The following MYO1D variants were observed in gnomAD, a reference collection of about 807,000 sequenced individuals.
MYO1D encodes the protein unconventional myosin-Id.
Under a neutral mutation model 122.0 loss-of-function variants are expected in MYO1D, and 83 were observed. The observed-to-expected ratio is 0.68, with a 90% CI of 0.57 to 0.82. MYO1D has a LOEUF of 0.82. Among genes scored for constraint, MYO1D ranks in the 40% least tolerant of loss-of-function variants. MYO1D has a pLI of 0.00. For missense variants in MYO1D, 1,157 were observed against 1,269.5 expected (o/e 0.91, Z 1.35); for synonymous variants, 464 against 446.9 (o/e 1.04, Z -0.48).
At chr17:32,716,380 G>A in intron 15 of MYO1D, among the ~76,000 whole-genome samples, 1 of 152,132 alleles carries the variant, frequency 6.6e-6, no homozygotes, top group East Asian at 1.9e-4. Context: ...TCTGCTTAAT[G>A]TCAGTCTCCC....
intron 1 of MYO1D, among the ~76,000 whole-genome samples, chr17:32,838,095 T>A (rs921946427): frequency 3.9e-5 from 6 of 152,188 alleles, no homozygotes; most frequent in African/African-American, 1.4e-4. Context: ...GAAATATTTT[T>A]TCCCTACAAT....
At chr17:32,821,190 G>A (rs1156583311) in intron 1 of MYO1D, among the ~76,000 whole-genome samples, 5 of 152,132 alleles carry the variant, frequency 3.3e-5, no homozygotes, top group Admixed American at 3.3e-4. Flanking sequence ...CCATGGCCCT[G>A]CAAGGGACAT....
At chr17:32,759,887 C>A in intron 10 of MYO1D, 1 of 476,550 alleles carries the variant, frequency 2.1e-6, no homozygotes, top group Non-Finnish European at 3.7e-6. Context: ...AATAAAATAC[C>A]ATATAGTCTA....
chr17:32,777,378 G>A (rs2090183882), intron 3 of MYO1D, among the ~76,000 whole-genome samples: 1 of 152,108 alleles, frequency 6.6e-6, no homozygotes, highest in Non-Finnish European at 1.5e-5. Context: ...AGATTGTTAT[G>A]TGTAGATGAG....
At position 32,782,493 on chromosome 17, in the gene MYO1D, A is replaced by G. The variant is rs538409749; in HGVS notation, c.96-1709T>C. ...CCCCTCTACCCTCGGACATTGAATA[A>G]GTACTTTTTAAAAAAGATCATTAAT... is the stretch of plus-strand genomic sequence containing the variant. On this transcript the variant is annotated intron_variant, in intron 1 of 21. Coordinates refer to ENST00000318217, the MANE Select transcript of MYO1D (RefSeq NM_015194.3). Among the ~76,000 whole-genome samples the G allele has an allele frequency of 2.6e-5, 4 of 152,370 alleles. No individual in the cohort carries two copies. In the East Asian group the frequency reaches 7.7e-4, roughly 29 times the overall value.
At chr17:32,860,840 A>C (rs16967688) in intron 1 of MYO1D, among the ~76,000 whole-genome samples, 1,592 of 152,302 alleles carry the variant, frequency 0.01, 28 homozygotes, top group African/African-American at 0.037. Context: ...TCCGGCATTA[A>C]AATTCTATGA....
chr17:32,772,352 A>G (rs2090122799), intron 5 of MYO1D, among the ~76,000 whole-genome samples: 1 of 152,246 alleles, frequency 6.6e-6, no homozygotes, highest in Non-Finnish European at 1.5e-5. Flanking sequence ...TTTTAAAAGT[A>G]ATCATATTGC....
intron 21 of MYO1D, among the ~76,000 whole-genome samples, chr17:32,509,592 C>CT (rs879629776): frequency 4.8e-4 from 70 of 146,800 alleles, no homozygotes; most frequent in East Asian, 9.9e-4. Context: ...TTTTTTCTTT[C>CT]TTTTTTTTTT....
chr17:32,857,838 C>T (rs921700948), intron 1 of MYO1D, among the ~76,000 whole-genome samples: 3 of 152,168 alleles, frequency 2.0e-5, no homozygotes, highest in African/African-American at 7.2e-5. Flanking sequence ...TAGAATATTG[C>T]TACTAATCAT....
At chr17:32,644,814 G>T (rs2088263753) in intron 19 of MYO1D, among the ~76,000 whole-genome samples, 1 of 152,116 alleles carries the variant, frequency 6.6e-6, no homozygotes, top group South Asian at 2.1e-4. Flanking sequence ...GTCTCTACAT[G>T]TAAGATGGGT....
At chr17:32,678,604 C>T (rs1037942941) in intron 16 of MYO1D, among the ~76,000 whole-genome samples, 1 of 151,484 alleles carries the variant, frequency 6.6e-6, no homozygotes, top group Non-Finnish European at 1.5e-5. Flanking sequence ...TTTTTTATGG[C>T]TGCATAGTAT....
intron 10 of MYO1D, among the ~76,000 whole-genome samples, chr17:32,759,560 A>C (rs2089979889): frequency 2.6e-5 from 4 of 152,174 alleles, no homozygotes; most frequent in African/African-American, 9.6e-5. Flanking sequence ...TTATTCTCAA[A>C]ATTGCTTAAA....
chr17:32,729,175 G>A (rs567791259), intron 14 of MYO1D, among the ~76,000 whole-genome samples: 4 of 150,760 alleles, frequency 2.7e-5, no homozygotes, highest in East Asian at 1.9e-4. Context: ...TATATTTTAC[G>A]GGAAAAAAAA....
intron 18 of MYO1D, 76 bp from the exon 19 acceptor site, chr17:32,654,023 C>T (rs1227826878): frequency 1.2e-5 from 13 of 1,109,954 alleles, no homozygotes; most frequent in Non-Finnish European, 1.6e-5. Context: ...CAGTGTACTG[C>T]TTTATAACTA....
intron 14 of MYO1D, among the ~76,000 whole-genome samples, chr17:32,728,235 T>C (rs2089598395): frequency 1.3e-5 from 2 of 151,514 alleles, no homozygotes; most frequent in Admixed American, 6.6e-5. Context: ...TGAGACAGTC[T>C]CACACCGTCA....
At chr17:32,608,749 A>G (rs1445086466) in intron 20 of MYO1D, among the ~76,000 whole-genome samples, 1 of 152,242 alleles carries the variant, frequency 6.6e-6, no homozygotes, top group Non-Finnish European at 1.5e-5. Context: ...GAAACGACCC[A>G]AATATCCAGC....
At chr17:32,853,958 A>C (rs1476100574) in intron 1 of MYO1D, among the ~76,000 whole-genome samples, 3 of 152,196 alleles carry the variant, frequency 2.0e-5, no homozygotes, top group Admixed American at 6.5e-5. Context: ...AATTATTAGA[A>C]TCTTCCCCCA....
At chr17:32,859,149 G>A (rs1019080566) in intron 1 of MYO1D, among the ~76,000 whole-genome samples, 3 of 152,162 alleles carry the variant, frequency 2.0e-5, no homozygotes, top group Admixed American at 6.5e-5. Flanking sequence ...ATGGATATAG[G>A]TGCATACGCA....
At chr17:32,766,091 C>T (rs1377263410) in intron 7 of MYO1D, among the ~76,000 whole-genome samples, 1 of 151,868 alleles carries the variant, frequency 6.6e-6, no homozygotes, top group East Asian at 1.9e-4. Context: ...TGCCATGTTG[C>T]CCAGGCTGGT....
Sources: allele counts gnomAD v4.1 joint callset (sites outside exome capture counted in the v4.1 genomes callset), GRCh38; gene constraint gnomAD v4.1.1; transcripts MANE v1.5; gene names NCBI Gene and HGNC (gene_info 2026-07-23, HGNC 2026-07-21).